MAF: variants seen among roughly 807,000 people sequenced by gnomAD.
MAF encodes MAF bZIP transcription factor.
Under a neutral mutation model 22.0 loss-of-function variants are expected in MAF, and 10 were observed. The observed-to-expected ratio is 0.45, with a 90% CI of 0.28 to 0.77. The LOEUF (loss-of-function observed/expected upper bound fraction) is 0.77. Among genes scored for constraint, MAF ranks in the 30% least tolerant of loss-of-function variants. The pLI, the probability that MAF is intolerant of heterozygous loss-of-function variation, is 0.12. For missense variants in MAF, 544 were observed against 548.4 expected (o/e 0.99, Z 0.08); for synonymous variants, 337 against 255.8 (o/e 1.32, Z -3.03).
At chr16:79,377,566 C>T in the MAF span, among the ~76,000 whole-genome samples, 10 of 152,240 alleles carry the variant, frequency 6.6e-5, no homozygotes, top group East Asian at 5.8e-4. Context: ...CTTTTGTTGC[C>T]GTTGCTTTTG....
the MAF span, among the ~76,000 whole-genome samples, chr16:79,559,065 T>A: frequency 2.0e-5 from 3 of 152,180 alleles, no homozygotes; most frequent in Admixed American, 1.3e-4. Context: ...GCTGTTGACA[T>A]TGATCTAATT....
intron 1 of MAF, among the ~76,000 whole-genome samples, chr16:79,588,201 G>C (rs997922818): frequency 7.2e-5 from 11 of 152,152 alleles, no homozygotes; most frequent in Admixed American, 4.6e-4. Context: ...CATGGGGATC[G>C]CAACCTGAAA....
the MAF span, among the ~76,000 whole-genome samples, chr16:79,223,398 C>T: frequency 6.6e-6 from 1 of 151,912 alleles, no homozygotes; most frequent in African/African-American, 2.4e-5. Context: ...TAAATGCCCA[C>T]AAGAGAAAGC....
At chr16:79,234,371 A>C in the MAF span, among the ~76,000 whole-genome samples, 1 of 152,168 alleles carries the variant, frequency 6.6e-6, no homozygotes, top group Non-Finnish European at 1.5e-5. Flanking sequence ...ATGATAGAAG[A>C]AATATGTTCA....
chr16:79,309,019 T>C, the MAF span, among the ~76,000 whole-genome samples: 1 of 152,200 alleles, frequency 6.6e-6, no homozygotes, highest in Admixed American at 6.5e-5. Context: ...AATATTTAAA[T>C]GCAACCTGGG....
chr16:79,516,463 C>T, the MAF span, among the ~76,000 whole-genome samples: 133 of 152,244 alleles, frequency 8.7e-4, 1 homozygote, highest in South Asian at 0.012. Flanking sequence ...ATTATTATCC[C>T]AGGCTCAGAG....
chr16:79,304,335 T>A, the MAF span, among the ~76,000 whole-genome samples: 2 of 152,198 alleles, frequency 1.3e-5, no homozygotes, highest in Admixed American at 1.3e-4. Context: ...ATGATGCAGT[T>A]ATACCGCTTG....
the MAF span, among the ~76,000 whole-genome samples, chr16:79,535,955 C>T: frequency 6.6e-6 from 1 of 152,188 alleles, no homozygotes; most frequent in Non-Finnish European, 1.5e-5. Context: ...GTTGCGTATT[C>T]ATCATCCACT....
chr16:79,408,044 G>A, the MAF span, among the ~76,000 whole-genome samples: 2 of 113,324 alleles, frequency 1.8e-5, no homozygotes, highest in Non-Finnish European at 3.3e-5. Context: ...AAGAGAATGA[G>A]TGATTAACTA....
the MAF span, among the ~76,000 whole-genome samples, chr16:79,549,586 A>C: frequency 3.9e-5 from 6 of 152,200 alleles, no homozygotes; most frequent in Non-Finnish European, 7.3e-5. Flanking sequence ...AGCTTCAATT[A>C]CACTGGCCAT....
chr16:79,551,502 T>A, the MAF span, among the ~76,000 whole-genome samples: 787 of 152,230 alleles, frequency 5.2e-3, 1 homozygote, highest in Non-Finnish European at 7.9e-3. Flanking sequence ...CAATTACAAG[T>A]GAGAAAGACG....
At chr16:79,282,907 T>C in the MAF span, among the ~76,000 whole-genome samples, 1 of 152,184 alleles carries the variant, frequency 6.6e-6, no homozygotes, top group African/African-American at 2.4e-5. Context: ...TATTTGCTTA[T>C]GAGTTTCATC....
the MAF span, among the ~76,000 whole-genome samples, chr16:79,274,391 G>A: frequency 6.6e-6 from 1 of 152,040 alleles, no homozygotes; most frequent in Non-Finnish European, 1.5e-5. Context: ...TGAGATTCAG[G>A]TTGCGCAATT....
chr16:79,381,787 C>T, the MAF span, among the ~76,000 whole-genome samples: 22 of 152,160 alleles, frequency 1.4e-4, no homozygotes, highest in Non-Finnish European at 2.5e-4. Context: ...CGGAGGTTGC[C>T]TTGGAGAACA....
At chr16:79,342,203 T>A in the MAF span, among the ~76,000 whole-genome samples, 2 of 152,154 alleles carry the variant, frequency 1.3e-5, no homozygotes, top group Admixed American at 6.5e-5. Flanking sequence ...ATCAGCTCTC[T>A]CCCACTTGGA....
At chr16:79,425,911 C>T in the MAF span, among the ~76,000 whole-genome samples, 1 of 152,186 alleles carries the variant, frequency 6.6e-6, no homozygotes, top group African/African-American at 2.4e-5. Context: ...GAGCAACATT[C>T]AGATTCTAAG....
At chr16:79,425,718 C>T in the MAF span, among the ~76,000 whole-genome samples, 1 of 149,178 alleles carries the variant, frequency 6.7e-6, no homozygotes, top group Non-Finnish European at 1.5e-5. Flanking sequence ...TTACTCTGTA[C>T]CCAGCACTGT....
the MAF span, among the ~76,000 whole-genome samples, chr16:79,333,462 T>A: frequency 2.6e-4 from 40 of 152,262 alleles, no homozygotes; most frequent in African/African-American, 9.6e-4. Flanking sequence ...ACGGACCATG[T>A]CAGCGGCCCT....
At chr16:79,421,110 C>T in the MAF span, among the ~76,000 whole-genome samples, 65 of 152,030 alleles carry the variant, frequency 4.3e-4, no homozygotes, top group African/African-American at 1.4e-3. Flanking sequence ...TATTATTAGC[C>T]GTTGTTAATC....
Sources: gnomAD v4.1 joint callset for allele counts (sites outside exome capture counted in the v4.1 genomes callset) on GRCh38, gnomAD v4.1.1 for gene constraint, MANE v1.5 for transcripts, NCBI Gene and HGNC (gene_info 2026-07-23, HGNC 2026-07-21) for gene names.